AKT3: variants seen among roughly 807,000 people sequenced by gnomAD.
AKT3 encodes the protein RAC-gamma serine/threonine-protein kinase.
AKT3 carries 15 observed loss-of-function variants against 65.3 expected under a neutral mutation model. That is an observed-to-expected ratio of 0.23 (90% CI 0.15 to 0.35). AKT3 has a LOEUF of 0.35. AKT3 is among the 10% of genes least tolerant of loss of function. The probability of loss-of-function intolerance (pLI) is 1.00; values close to 1 mark genes in which losing one functional copy is unlikely to be tolerated. For missense variants in AKT3, 243 were observed against 576.5 expected, an observed-to-expected ratio of 0.42 and a Z score of 5.92; for synonymous variants, 206 against 183.8, an observed-to-expected ratio of 1.12 and a Z score of -0.98.
intron 8 of AKT3, among the ~76,000 whole-genome samples, chr1:243,589,560 G>C (rs1453210937): frequency 1.3e-5 from 2 of 152,054 alleles, no homozygotes; most frequent in Admixed American, 1.3e-4. Context: ...GTGGAGAAAA[G>C]GGAACCCTTG....
At chr1:243,796,599 T>C (rs1303806364) in intron 2 of AKT3, among the ~76,000 whole-genome samples, 1 of 152,190 alleles carries the variant, frequency 6.6e-6, no homozygotes, top group African/African-American at 2.4e-5. Flanking sequence ...CACTTTTCTC[T>C]ACTATTAATA....
In AKT3 at chr1:243,620,027, A is replaced by C. The variant is rs1678619058; in HGVS notation, c.562-4866T>G. ...GGGTGAGATGATGATATGGTTAGGTATCCACCCAAGTCTCATCTTGAATTG... is the reference window on the plus strand; with the variant it reads ...GGGTGAGATGATGATATGGTTAGGTCTCCACCCAAGTCTCATCTTGAATTG... On this transcript the variant is annotated intron_variant, in intron 6 of 13. Transcript: ENST00000673466. 3.1e-5 allele frequency among the ~76,000 whole-genome samples: 3 copies of C among 97,996 alleles called. 1 individual carries two copies. The highest frequency in any genetic ancestry group is 7.9e-5 in the African/African-American group (3 of 37,992). 64.3% of individuals were successfully genotyped at this position (97,996 alleles called of 152,430 possible). A position where few individuals can be genotyped will look rare whatever the true frequency, so the allele number is the denominator to read the frequency against.
intron 2 of AKT3, among the ~76,000 whole-genome samples, chr1:243,760,609 T>C (rs1021628033): frequency 6.6e-6 from 1 of 152,180 alleles, no homozygotes; most frequent in African/African-American, 2.4e-5. Context: ...TTGAATAAAC[T>C]GATGCCCATG....
chr1:243,679,403 T>C (rs986780556), intron 3 of AKT3, among the ~76,000 whole-genome samples: 1 of 152,138 alleles, frequency 6.6e-6, no homozygotes, highest in East Asian at 1.9e-4. Flanking sequence ...ATATGTTTTC[T>C]CCCAGAGAAA....
Position 243,637,594 on chromosome 1 carries a change from T to C in AKT3, c.561+17A>G. On this transcript the variant is annotated intron_variant, in intron 6 of 13. Coordinates refer to ENST00000673466, the MANE Select transcript of AKT3 (RefSeq NM_005465.7). ...TGCAAACAAAAATTTAGTAATCAACTTTAATAAATCAGTTACCTTTGCAAT... is the reference window on the plus strand; with the variant it reads ...TGCAAACAAAAATTTAGTAATCAACCTTAATAAATCAGTTACCTTTGCAAT... The C allele has an allele frequency of 1.9e-6, 3 of 1,577,486 alleles. No homozygotes were observed. Among genetic ancestry groups the C allele is most frequent in the Non-Finnish European group, 2.6e-6 (3 of 1,162,986 alleles).
Position 243,620,208 on chromosome 1 carries a change from G to A in AKT3, c.562-5047C>T, listed in dbSNP as rs1381094061. 1.0e-4 allele frequency among the ~76,000 whole-genome samples: 10 copies of A among 97,860 alleles called. 1 individual carries two copies. The highest frequency in any genetic ancestry group is 2.1e-4 in the African/African-American group (8 of 38,020). The allele number at this position is 97,860 out of a possible 152,430, so 64.2% of individuals were successfully genotyped here. A position where few individuals can be genotyped will look rare whatever the true frequency, so the allele number is the denominator to read the frequency against. ...TCTGACAGTTCCTCTTCACACACTC[G>A]CCCTTTCTTCGCCTGATACCACACA... On this transcript the variant is annotated intron_variant, in intron 6 of 13. Transcript: ENST00000673466.
chr1:243,635,334 G>A (rs1679897037), intron 6 of AKT3, among the ~76,000 whole-genome samples: 1 of 151,712 alleles, frequency 6.6e-6, no homozygotes, highest in Non-Finnish European at 1.5e-5. Flanking sequence ...AAATAAGAGA[G>A]ATTGCAAATC....
chr1:243,660,423 C>T lies in AKT3; in HGVS notation c.284+4349G>A, dbSNP rs9730285. 3.8e-3 allele frequency among the ~76,000 whole-genome samples: 582 copies of T among 152,156 alleles called. 4 individuals are homozygous for T. Among genetic ancestry groups the T allele is most frequent in the African/African-American group, 0.013 (537 of 41,516 alleles). Reference sequence around the variant, plus strand: ...GGTTCAATATACGCAAATCAATAAACGTAATCCAGCATATAAACAGAACCA... The same window carrying T: ...GGTTCAATATACGCAAATCAATAAATGTAATCCAGCATATAAACAGAACCA... On this transcript the variant is annotated intron_variant, in intron 4 of 13. Transcript: ENST00000673466.
chr1:243,578,082 G>A (rs1675074910), intron 8 of AKT3, among the ~76,000 whole-genome samples: 1 of 152,134 alleles, frequency 6.6e-6, no homozygotes, highest in Admixed American at 6.5e-5. Flanking sequence ...TTACAATGCT[G>A]GTGGGAATGT....
rs546880896 is a variant in AKT3 at position 243,697,760 on chromosome 1, TTCCCAAATTTAA to T, written c.47-2056_47-2045del. ...ACAAGCTCATAACGAGAGATCTGTT[TTCCCAAATTTAA>T]TCTTTGCTTAAAAGCTCAATTTCCA... On this transcript the variant is annotated intron_variant, in intron 2 of 13. Coordinates refer to ENST00000673466, the MANE Select transcript of AKT3 (RefSeq NM_005465.7). 1.5e-3 allele frequency among the ~76,000 whole-genome samples: 229 copies of T among 152,176 alleles called. 1 individual carries two copies. The highest frequency in any genetic ancestry group is 5.3e-3 in the African/African-American group (221 of 41,552).
At position 243,500,803 on chromosome 1, in the gene AKT3, T is replaced by C. The variant is rs938622698; in HGVS notation, c.*4446A>G. On this transcript the variant is annotated 3_prime_UTR_variant, in exon 14 of 14. Transcript: ENST00000673466. The stretch of plus-strand genomic sequence containing the variant: ...TGGCATGATCTACACACAGAGACCA[T>C]TTGAATCTCTTGAGCATGTAAAAGG... 1 of 228,752 alleles carries C rather than the reference T, an allele frequency of 4.4e-6. No individual in the cohort carries two copies. The highest frequency in any genetic ancestry group is 2.2e-5 in the African/African-American group (1 of 45,122). The allele number at this position is 228,752 out of a possible 1,614,324, so 14.2% of individuals were successfully genotyped here.
intron 2 of AKT3, among the ~76,000 whole-genome samples, chr1:243,763,500 A>T (rs917830851): frequency 2.6e-5 from 4 of 152,118 alleles, no homozygotes; most frequent in Non-Finnish European, 4.4e-5. Flanking sequence ...CTTCATGGAT[A>T]TCTGTTTATC....
chr1:243,572,532 T>TA (rs966262349), intron 9 of AKT3, among the ~76,000 whole-genome samples: 1 of 152,204 alleles, frequency 6.6e-6, no homozygotes, highest in Non-Finnish European at 1.5e-5. Context: ...TTCAGGTATT[T>TA]AAAACCACCC....
chr1:243,660,116 CTT>C (rs1329331379), intron 4 of AKT3, among the ~76,000 whole-genome samples: 15 of 151,848 alleles, frequency 9.9e-5, no homozygotes, highest in Non-Finnish European at 2.2e-4. Flanking sequence ...GTCCTGGACT[CTT>C]TTTCGTTGGT....
intron 8 of AKT3, among the ~76,000 whole-genome samples, chr1:243,584,593 G>T (rs536037166): frequency 4.4e-4 from 67 of 152,262 alleles, no homozygotes; most frequent in African/African-American, 1.6e-3. Flanking sequence ...AATTCACCAT[G>T]ATCAAGTAGG....
chr1:243,848,220 T>G (rs1200977087), intron 1 of AKT3, among the ~76,000 whole-genome samples: 2 of 152,132 alleles, frequency 1.3e-5, no homozygotes, highest in Non-Finnish European at 2.9e-5. Context: ...GATCTTCAAG[T>G]ACCATCTCCC....
intron 2 of AKT3, among the ~76,000 whole-genome samples, chr1:243,765,784 C>G (rs1057424730): frequency 6.6e-6 from 1 of 152,154 alleles, no homozygotes; most frequent in Non-Finnish European, 1.5e-5. Flanking sequence ...TACAAAGTTA[C>G]TCCTCAGGCC....
At chr1:243,638,094 A>G (rs1025863417) in intron 5 of AKT3, among the ~76,000 whole-genome samples, 1 of 152,228 alleles carries the variant, frequency 6.6e-6, no homozygotes, top group Admixed American at 6.5e-5. Flanking sequence ...AAATGTGATA[A>G]TCAAAAATGT....
intron 2 of AKT3, among the ~76,000 whole-genome samples, chr1:243,833,248 T>C (rs1453663300): frequency 1.3e-5 from 2 of 151,902 alleles, no homozygotes; most frequent in African/African-American, 4.8e-5. Context: ...CAAGACTCCA[T>C]ATCAAAAAAC....
Sources: gnomAD v4.1 joint callset for allele counts (sites outside exome capture counted in the v4.1 genomes callset) on GRCh38, gnomAD v4.1.1 for gene constraint, MANE v1.5 for transcripts, NCBI Gene and HGNC (gene_info 2026-07-23, HGNC 2026-07-21) for gene names.